Variants in RBBP6 observed in about 807,000 individuals in gnomAD.
RBBP6 encodes E3 ubiquitin-protein ligase RBBP6.
In RBBP6, 25 loss-of-function variants were observed where a neutral mutation model predicts 167.7. That is an observed-to-expected ratio of 0.15 (90% CI 0.11 to 0.21). RBBP6 has a LOEUF of 0.21. Ranked by LOEUF, RBBP6 falls within the 10% of genes least tolerant of loss-of-function variation. The pLI is 1.00. For missense variants in RBBP6, 1,868 were observed against 2,134.2 expected, an observed-to-expected ratio of 0.88 and a Z score of 2.46; for synonymous variants, 789 against 735.8, an observed-to-expected ratio of 1.07 and a Z score of -1.17.
Position 24,540,622 on chromosome 16 carries a change from G to A in RBBP6, c.-5G>A. The A allele has an allele frequency of 6.2e-7, 1 of 1,610,848 alleles. No homozygotes were observed. ...CTCGCTGAACCTTAGGAATCCCTTG[G>A]CACCATGTCCTGTGTGCATTATAAA... is the stretch of plus-strand genomic sequence containing the variant. On this transcript the variant is annotated 5_prime_UTR_variant, in exon 1 of 18. Transcript: ENST00000319715.
At chr16:24,560,402 G>A (rs938956393) in intron 8 of RBBP6, among the ~76,000 whole-genome samples, 3 of 152,112 alleles carry the variant, frequency 2.0e-5, no homozygotes, top group African/African-American at 4.8e-5. Context: ...CACCGCGCCC[G>A]ACATCTGTAG....
At chr16:24,553,461 T>TA in intron 3 of RBBP6, 52 bp from the exon 4 acceptor site, 1 of 1,493,756 alleles carries the variant, frequency 6.7e-7, no homozygotes, top group South Asian at 1.1e-5. Context: ...ATGATCACTT[T>TA]AAGATGTTTT....
chr16:24,563,370 CTTTTTTTT>C, intron 11 of RBBP6, 45 bp from the exon 12 acceptor site: 2 of 1,308,074 alleles, frequency 1.5e-6, no homozygotes, highest in Non-Finnish European at 2.0e-6. Context: ...GTTCTTACCT[CTTTTTTTT>C]TTTTTTTTTT....
chr16:24,545,356 A>G (rs1346168986), intron 1 of RBBP6, among the ~76,000 whole-genome samples: 1 of 152,104 alleles, frequency 6.6e-6, no homozygotes, highest in Non-Finnish European at 1.5e-5. Flanking sequence ...ACAGGCGTGA[A>G]CCACCGCGCC....
chr16:24,562,415 TC>T (rs1899086602), intron 10 of RBBP6, among the ~76,000 whole-genome samples: 1 of 152,194 alleles, frequency 6.6e-6, no homozygotes, highest in African/African-American at 2.4e-5. Context: ...CGTTGAATGT[TC>T]CATATACCAT....
In RBBP6 at chr16:24,564,838, T is replaced by C; in HGVS notation, c.1562T>C (p.Ile521Thr). The change falls in exon 14 of 18, where the codon ATT becomes ACT. Residue 521 changes from isoleucine to threonine, a missense_variant. Ile to Thr is a moderately conservative substitution (Grantham distance 89). This residue lies in a region of RBBP6 where 245 missense variants were observed against 240.1 expected (regional missense o/e 1.02). Transcript: ENST00000319715. ...TATCTGGTTTCTCCACCACAACAAA[T>C]TAGAAGAGGGGAGAGGAGCTGCTAC... ...LGYLVSPPQQ[I>T]RRGERSCYRS... 1 of 1,613,072 alleles carries C rather than the reference T, an allele frequency of 6.2e-7. No individual in the cohort carries two copies. The highest frequency in any genetic ancestry group is 8.5e-7 in the Non-Finnish European group (1 of 1,179,402).
intron 3 of RBBP6, 103 bp from the exon 4 acceptor site, chr16:24,553,410 A>G: frequency 2.3e-6 from 2 of 886,062 alleles, no homozygotes; most frequent in Non-Finnish European, 3.5e-6. Flanking sequence ...AAACTAAGAA[A>G]ATGCCCAATA....
intron 3 of RBBP6, chr16:24,549,321 T>G: frequency 2.7e-6 from 3 of 1,113,578 alleles, no homozygotes; most frequent in Non-Finnish European, 3.3e-6. Context: ...TACATTTGTC[T>G]GTCTATAGTT....
rs1239508279 is a variant in RBBP6 at position 24,572,195 on chromosome 16, A to G, written c.5129A>G (p.Gln1710Arg). 1 of 1,614,036 alleles carries G rather than the reference A, an allele frequency of 6.2e-7. No individual in the cohort carries two copies. The highest frequency in any genetic ancestry group is 8.5e-7 in the Non-Finnish European group (1 of 1,180,044). Residue 1710 changes from glutamine (Q) to arginine (R), a missense_variant, in exon 18 of 18, where the codon CAG becomes CGG. Coordinates refer to ENST00000319715, the MANE Select transcript of RBBP6 (RefSeq NM_006910.5). ...PSRSHSPSGSQTRSHSSSASS... is the reference protein window; with the variant it reads ...PSRSHSPSGSRTRSHSSSASS... ...AGAAGCCACAGTCCTTCTGGAAGCC[A>G]GACCCGAAGCCACAGTAGCAGTGCC...
At chr16:24,562,329 G>A (rs528247806) in intron 10 of RBBP6, among the ~76,000 whole-genome samples, 168 bp downstream of exon 10, 6 of 152,296 alleles carry the variant, frequency 3.9e-5, no homozygotes, top group Admixed American at 6.5e-5. Flanking sequence ...GAAAACAAAC[G>A]TGATTGATTT....
chr16:24,548,995 C>G lies in RBBP6; in HGVS notation c.303+14C>G. The G allele has an allele frequency of 3.7e-6, 6 of 1,610,450 alleles. No homozygotes were observed. Among genetic ancestry groups the G allele is most frequent in the Non-Finnish European group, 5.1e-6 (6 of 1,177,726 alleles). ...ACTACAAAAGCAGTATGTAAAAACA[C>G]AATCTCACACTTTTTCTACACATTG... On this transcript the variant is annotated intron_variant, in intron 3 of 17. Transcript: ENST00000319715.
At chr16:24,551,045 GT>G (rs1898783809) in intron 3 of RBBP6, among the ~76,000 whole-genome samples, 1 of 151,838 alleles carries the variant, frequency 6.6e-6, no homozygotes, top group Non-Finnish European at 1.5e-5. Context: ...ATGGATGGCT[GT>G]TTCCATATTC....
intron 1 of RBBP6, 53 bp downstream of exon 1, chr16:24,540,845 A>G: frequency 1.9e-6 from 3 of 1,571,052 alleles, no homozygotes; most frequent in Admixed American, 1.8e-5. Context: ...GATACTAGCT[A>G]GAAGGTGCCT....
intron 8 of RBBP6, among the ~76,000 whole-genome samples, chr16:24,560,268 G>A (rs938656546): frequency 3.9e-5 from 6 of 152,054 alleles, no homozygotes; most frequent in South Asian, 4.2e-4. Context: ...CACCACACCC[G>A]GCTAATGTTT....
At chr16:24,556,688 T>G (rs972715009) in intron 7 of RBBP6, among the ~76,000 whole-genome samples, 1 of 152,206 alleles carries the variant, frequency 6.6e-6, no homozygotes, top group East Asian at 1.9e-4. Context: ...GTCTTCTAAT[T>G]TTTTCTTTTT....
rs1899299299 is a variant in RBBP6 at position 24,570,476 on chromosome 16, C to G, written c.3786C>G (p.Ser1262Arg). The change falls in exon 17 of 18, where the codon AGC becomes AGG. Residue 1262 changes from serine (S) to arginine (R), a missense_variant. Transcript: ENST00000319715. ...RRKVTGTEGS[S>R]STLVDYTSTS... Reference sequence around the variant, plus strand: ...AAGTGACTGGAACTGAAGGATCCAGCTCAACTCTGGTGGATTACACCAGGT... The same window carrying G: ...AAGTGACTGGAACTGAAGGATCCAGGTCAACTCTGGTGGATTACACCAGGT... 6.3e-7 allele frequency: 1 copy of G among 1,589,432 alleles called. No individual in the cohort carries two copies. Among genetic ancestry groups the G allele is most frequent in the African/African-American group, 1.4e-5 (1 of 73,376 alleles).
chr16:24,562,022 A>G lies in RBBP6; in HGVS notation c.1150A>G (p.Ile384Val), dbSNP rs547912015. The G allele has an allele frequency of 1.5e-5, 25 of 1,613,288 alleles. No individual in the cohort carries two copies. Among genetic ancestry groups the G allele is most frequent in the Middle Eastern group, 3.3e-4 (2 of 6,062 alleles). The change falls in exon 10 of 18, where the codon ATA becomes GTA. Residue 384 changes from isoleucine (I) to valine (V), a missense_variant. Transcript: ENST00000319715. ...TTCATCAACTCACCCAGCTCCGTCTATATCTTCATTAACTTCTAATCAGTC... is the reference window on the plus strand; with the variant it reads ...TTCATCAACTCACCCAGCTCCGTCTGTATCTTCATTAACTTCTAATCAGTC... ...TSSSTHPAPS[I>V]SSLTSNQSSL...
rs757981778 is a variant in RBBP6 at position 24,546,191 on chromosome 16, T to A, written c.195T>A (p.Pro65=). Residue 65 remains proline (P), a synonymous_variant, in exon 2 of 18, where the codon CCT becomes CCA. Coordinates refer to ENST00000319715, the MANE Select transcript of RBBP6 (RefSeq NM_006910.5). ...ATACTGATGATAATGCTCTGATTCC[T>A]AAGAATTCTTCTGTAATTGTTAGAA... ...EEYTDDNALI[P]KNSSVIVRRI... 3 of 1,588,070 alleles carry A rather than the reference T, an allele frequency of 1.9e-6. No individual in the cohort carries two copies. In the East Asian group the frequency reaches 6.9e-5, roughly 37 times the overall value.
chr16:24,558,233 C>T (rs941308911), intron 7 of RBBP6, among the ~76,000 whole-genome samples: 2 of 152,164 alleles, frequency 1.3e-5, no homozygotes, highest in African/African-American at 4.8e-5. Flanking sequence ...AATACAAATG[C>T]CCAATTGTGC....
Sources: allele counts gnomAD v4.1 joint callset (sites outside exome capture counted in the v4.1 genomes callset), GRCh38; gene constraint gnomAD v4.1.1; regional missense constraint gnomAD v4.1.1; transcripts MANE v1.5; gene names NCBI Gene and HGNC (gene_info 2026-07-23, HGNC 2026-07-21).